Variants in EBF2 observed in about 807,000 individuals in gnomAD.
EBF2 encodes the protein transcription factor COE2.
EBF2 carries 21 observed loss-of-function variants against 72.8 expected under a neutral mutation model. That is an observed-to-expected ratio of 0.29 (90% CI 0.20 to 0.42). The LOEUF is 0.42. Ranked by LOEUF, EBF2 falls within the 10% of genes least tolerant of loss-of-function variation. The pLI is 1.00. For synonymous variants in EBF2, 299 were observed against 274.2 expected (o/e 1.09, Z -0.89); for missense variants, 637 against 731.2 (o/e 0.87, Z 1.49).
chr8:25,890,152 G>T (rs1267937391), intron 7 of EBF2, among the ~76,000 whole-genome samples: 1 of 152,186 alleles, frequency 6.6e-6, no homozygotes, highest in Non-Finnish European at 1.5e-5. Context: ...CAGAAACCTG[G>T]TTCTCTATCA....
At position 25,854,935 on chromosome 8, in the gene EBF2, C is replaced by T. The variant is rs959094293; in HGVS notation, c.1528+3384G>A. On this transcript the variant is annotated intron_variant, in intron 14 of 15. Coordinates refer to ENST00000520164, the MANE Select transcript of EBF2 (RefSeq NM_022659.4). Reference sequence around the variant, plus strand: ...TGTATGGATTCTGTCCCAAACTCTGCGTAGGCTTGGTGGCTATTCTGCTTT... The same window carrying T: ...TGTATGGATTCTGTCCCAAACTCTGTGTAGGCTTGGTGGCTATTCTGCTTT... Among the ~76,000 whole-genome samples the T allele has an allele frequency of 4.6e-5, 7 of 152,176 alleles. 1 individual carries two copies. The South Asian group carries it at 6.2e-4, about 14-fold the overall frequency.
At chr8:25,886,932 C>A in intron 9 of EBF2, 51 bp from the exon 10 acceptor site, 7 of 1,597,550 alleles carry the variant, frequency 4.4e-6, no homozygotes, top group Admixed American at 1.7e-5. Flanking sequence ...CAAGCCATCA[C>A]CAAGGACATA....
chr8:26,011,661 G>A (rs1218073328), intron 6 of EBF2, among the ~76,000 whole-genome samples: 1 of 152,078 alleles, frequency 6.6e-6, no homozygotes, highest in Non-Finnish European at 1.5e-5. Context: ...TGGTACCATT[G>A]ACTAAAAGGA....
intron 6 of EBF2, among the ~76,000 whole-genome samples, chr8:25,994,275 T>C (rs1804588572): frequency 6.6e-6 from 1 of 152,122 alleles, no homozygotes; most frequent in African/African-American, 2.4e-5. Context: ...GCCAAATTTA[T>C]TATTTAAAAA....
chr8:26,041,198 G>T, intron 2 of EBF2, 196 bp from the exon 3 acceptor site: 1 of 629,680 alleles, frequency 1.6e-6, no homozygotes, highest in East Asian at 2.8e-5. Flanking sequence ...GCCAAGACTC[G>T]TAGCCACTTG....
At chr8:25,992,106 C>G (rs950245649) in intron 6 of EBF2, among the ~76,000 whole-genome samples, 2 of 151,800 alleles carry the variant, frequency 1.3e-5, no homozygotes, top group African/African-American at 4.8e-5. Context: ...TTTAGGCTCA[C>G]TGCAACCTCC....
intron 5 of EBF2, among the ~76,000 whole-genome samples, chr8:26,035,513 CACAA>C (rs1461123836): frequency 6.6e-6 from 1 of 152,178 alleles, no homozygotes; most frequent in Non-Finnish European, 1.5e-5. Flanking sequence ...CAGAATTAAA[CACAA>C]ACAAATAAAT....
chr8:25,959,680 C>T (rs1299823004), intron 6 of EBF2, among the ~76,000 whole-genome samples: 3 of 152,122 alleles, frequency 2.0e-5, no homozygotes, highest in African/African-American at 7.2e-5. Context: ...CATTTTGCCG[C>T]AAACATCTTT....
At chr8:25,884,234 T>A (rs1318742608) in intron 10 of EBF2, among the ~76,000 whole-genome samples, 4 of 152,108 alleles carry the variant, frequency 2.6e-5, no homozygotes, top group African/African-American at 7.2e-5. Flanking sequence ...AATCTTGCTG[T>A]ACCCTCTACC....
At chr8:25,877,111 G>A (rs79480921) in intron 10 of EBF2, among the ~76,000 whole-genome samples, 2,102 of 152,254 alleles carry the variant, frequency 0.014, 112 homozygotes, top group Admixed American at 0.094. Flanking sequence ...TGTGGTTGGT[G>A]CAGATTTTAC....
Position 26,041,216 on chromosome 8 carries a change from C to A in EBF2, c.289-214G>T, listed in dbSNP as rs552659816. The stretch of plus-strand genomic sequence containing the variant: ...AAGACTCGTAGCCACTTGACCCTTT[C>A]CAGCCCTCTGTCTCCCTTAAAAATG... On this transcript the variant is annotated intron_variant, in intron 2 of 15. Transcript: ENST00000520164. The A allele has an allele frequency of 8.3e-5, 50 of 605,306 alleles. No individual in the cohort carries two copies. In the African/African-American group the frequency reaches 8.7e-4, roughly 11 times the overall value. 37.5% of individuals were successfully genotyped at this position (605,306 alleles called of 1,614,324 possible).
intron 13 of EBF2, among the ~76,000 whole-genome samples, chr8:25,860,184 A>G (rs982740923): frequency 6.6e-6 from 1 of 152,186 alleles, no homozygotes; most frequent in Middle Eastern, 3.4e-3. Flanking sequence ...TCAATAATCA[A>G]TCTCAATGCA....
intron 6 of EBF2, among the ~76,000 whole-genome samples, chr8:26,009,249 C>CT (rs1160666556): frequency 1.3e-5 from 2 of 151,700 alleles, no homozygotes; most frequent in African/African-American, 2.4e-5. Context: ...TGAGTTTTCT[C>CT]TTTTTTTCCC....
chr8:25,917,896 T>C (rs1803251297), intron 6 of EBF2, among the ~76,000 whole-genome samples: 1 of 152,218 alleles, frequency 6.6e-6, no homozygotes, highest in Non-Finnish European at 1.5e-5. Context: ...TTGAGGCCAA[T>C]GTGTAAAACT....
intron 6 of EBF2, among the ~76,000 whole-genome samples, chr8:25,999,597 C>A (rs186316740): frequency 6.6e-6 from 1 of 150,584 alleles, no homozygotes; most frequent in African/African-American, 2.4e-5. Flanking sequence ...TACATGTCTT[C>A]TGCTTTCTTT....
chr8:25,880,713 C>G (rs1802592371), intron 10 of EBF2, among the ~76,000 whole-genome samples: 1 of 152,138 alleles, frequency 6.6e-6, no homozygotes, highest in African/African-American at 2.4e-5. Flanking sequence ...CTTTTAGCAC[C>G]TTTCCTTCCC....
intron 6 of EBF2, among the ~76,000 whole-genome samples, chr8:25,979,669 T>A (rs534270236): frequency 1.3e-5 from 2 of 152,254 alleles, no homozygotes; most frequent in South Asian, 2.1e-4. Context: ...ATTTTTTTTT[T>A]AAACAAATGA....
At chr8:25,985,611 C>A (rs920577578) in intron 6 of EBF2, among the ~76,000 whole-genome samples, 1 of 152,162 alleles carries the variant, frequency 6.6e-6, no homozygotes, top group African/African-American at 2.4e-5. Context: ...AAAGGTCATT[C>A]TCAAATCCCT....
At chr8:25,919,087 AG>A (rs1803269350) in intron 6 of EBF2, among the ~76,000 whole-genome samples, 1 of 152,192 alleles carries the variant, frequency 6.6e-6, no homozygotes, top group South Asian at 2.1e-4. Context: ...ATTACAATGA[AG>A]GGTCCCTCTT....
Sources: allele counts gnomAD v4.1 joint callset (sites outside exome capture counted in the v4.1 genomes callset), GRCh38; gene constraint gnomAD v4.1.1; transcripts MANE v1.5; gene names NCBI Gene and HGNC (gene_info 2026-07-23, HGNC 2026-07-21).